The following VWC2L variants were observed in gnomAD, a reference collection of about 807,000 sequenced individuals.
The protein encoded by VWC2L is von Willebrand factor C domain containing 2 like.
A neutral mutation model predicts 21.6 loss-of-function variants in VWC2L; 10 were observed. The ratio of observed to expected loss-of-function variants is 0.46; its 90% CI spans 0.29 to 0.78. VWC2L has a LOEUF of 0.78. VWC2L is among the 30% of genes least tolerant of loss of function. VWC2L has a pLI of 0.10. For synonymous variants in VWC2L, 96 were observed against 94.3 expected (o/e 1.02, Z -0.10); for missense variants, 209 against 277.1 (o/e 0.75, Z 1.74).
chr2:214,448,597 A>G (rs1337539072), intron 3 of VWC2L, among the ~76,000 whole-genome samples: 2 of 152,230 alleles, frequency 1.3e-5, no homozygotes, highest in African/African-American at 2.4e-5. Context: ...TTACTGTTTC[A>G]TAATCTCACC....
At chr2:214,425,940 G>A (rs1204488811) in intron 2 of VWC2L, among the ~76,000 whole-genome samples, 1 of 152,050 alleles carries the variant, frequency 6.6e-6, no homozygotes, top group Non-Finnish European at 1.5e-5. Context: ...GGGAGGCTGA[G>A]GCGGGCAGAT....
chr2:214,489,235 C>T (rs1473928759), intron 3 of VWC2L, among the ~76,000 whole-genome samples: 1 of 152,086 alleles, frequency 6.6e-6, no homozygotes, highest in African/African-American at 2.4e-5. Context: ...CTGAAGGAGT[C>T]TGTGGTAGTG....
At chr2:214,545,018 C>G (rs544781557) in intron 3 of VWC2L, among the ~76,000 whole-genome samples, 1 of 152,248 alleles carries the variant, frequency 6.6e-6, no homozygotes, top group East Asian at 1.9e-4. Context: ...ACTACAAAGT[C>G]TTTTAGGTTA....
intron 3 of VWC2L, among the ~76,000 whole-genome samples, chr2:214,567,356 C>T (rs752511907): frequency 6.6e-6 from 1 of 152,132 alleles, no homozygotes; most frequent in South Asian, 2.1e-4. Context: ...TCTGTAACAA[C>T]CTGGCTGCCT....
chr2:214,543,831 G>C (rs987363878), intron 3 of VWC2L, among the ~76,000 whole-genome samples: 1 of 152,134 alleles, frequency 6.6e-6, no homozygotes, highest in Non-Finnish European at 1.5e-5. Context: ...TCTGGCTTTT[G>C]GCCAGATCTG....
At chr2:214,462,502 AAGC>A (rs1200197018) in intron 3 of VWC2L, among the ~76,000 whole-genome samples, 4 of 152,190 alleles carry the variant, frequency 2.6e-5, no homozygotes, top group African/African-American at 9.7e-5. Context: ...TTTGTGGAGG[AAGC>A]TGCTGCTGGG....
intron 3 of VWC2L, among the ~76,000 whole-genome samples, chr2:214,519,770 GT>G (rs1486768901): frequency 6.6e-6 from 1 of 152,128 alleles, no homozygotes; most frequent in Non-Finnish European, 1.5e-5. Flanking sequence ...TGCACATTCA[GT>G]TGGTGCATTC....
intron 2 of VWC2L, among the ~76,000 whole-genome samples, chr2:214,433,184 T>TATATATATATATATATATA (rs1559289359): frequency 2.7e-5 from 3 of 112,262 alleles, no homozygotes; most frequent in Non-Finnish European, 3.9e-5. Flanking sequence ...ATATATATAT[T>TATATATATATATATATATA]ATATATAAAT....
At chr2:214,556,835 T>A (rs2105927480) in intron 3 of VWC2L, among the ~76,000 whole-genome samples, 1 of 152,334 alleles carries the variant, frequency 6.6e-6, no homozygotes, top group East Asian at 1.9e-4. Context: ...CTTGTTAATA[T>A]CTTCCACTCC....
rs567171808 is a variant in VWC2L at position 214,564,938 on chromosome 2, A to G, written c.521-10734A>G. Among the ~76,000 whole-genome samples the G allele has an allele frequency of 4.6e-5, 7 of 152,184 alleles. No individual in the cohort carries two copies. In the South Asian group the frequency reaches 1.0e-3, roughly 23 times the overall value. Reference sequence around the variant, plus strand: ...CCAACATTGGTATTCATGCTTCTTTAGCTTCTTTGTTTTCCTTCCATCCTC... The same window carrying G: ...CCAACATTGGTATTCATGCTTCTTTGGCTTCTTTGTTTTCCTTCCATCCTC... On this transcript the variant is annotated intron_variant, in intron 3 of 3. Transcript: ENST00000312504.
At chr2:214,415,953 G>A (rs2126169244) in intron 2 of VWC2L, among the ~76,000 whole-genome samples, 1 of 152,050 alleles carries the variant, frequency 6.6e-6, no homozygotes, top group African/African-American at 2.4e-5. Context: ...TTTATTAATG[G>A]TTTTATGATC....
intron 3 of VWC2L, among the ~76,000 whole-genome samples, chr2:214,565,383 T>TA (rs1208423993): frequency 2.6e-5 from 4 of 152,190 alleles, no homozygotes; most frequent in Admixed American, 2.6e-4. Flanking sequence ...TGAAAGCACT[T>TA]ACCATTAGCA....
At chr2:214,515,054 C>T (rs1385371431) in intron 3 of VWC2L, among the ~76,000 whole-genome samples, 3 of 152,046 alleles carry the variant, frequency 2.0e-5, no homozygotes, top group Non-Finnish European at 4.4e-5. Context: ...CCCTCCCTGC[C>T]CCCACCCAGT....
In VWC2L at chr2:214,442,100, CG is replaced by C. The variant is rs1702769703; in HGVS notation, c.520+5346del. The stretch of plus-strand genomic sequence containing the variant: ...CTAATTTTTGTATTTTTAGTAGAGA[CG>C]GGGTTTCACTGTGTTGGCCAGACTG... On this transcript the variant is annotated intron_variant, in intron 3 of 3. Coordinates refer to ENST00000312504, the MANE Select transcript of VWC2L (RefSeq NM_001080500.4). 2.0e-5 allele frequency among the ~76,000 whole-genome samples: 3 copies of C among 151,790 alleles called. No homozygotes were observed. The South Asian group carries it at 6.2e-4, about 32-fold the overall frequency.
chr2:214,523,525 G>T (rs1574615340), intron 3 of VWC2L, among the ~76,000 whole-genome samples: 1 of 152,274 alleles, frequency 6.6e-6, no homozygotes, highest in East Asian at 1.9e-4. Context: ...ATGATACTGA[G>T]AAATTAATAT....
At chr2:214,429,134 AT>A (rs1225385073) in intron 2 of VWC2L, among the ~76,000 whole-genome samples, 1 of 152,200 alleles carries the variant, frequency 6.6e-6, no homozygotes, top group African/African-American at 2.4e-5. Context: ...TAGATGACTG[AT>A]TCTTTGTCTG....
At chr2:214,458,442 G>A (rs916195446) in intron 3 of VWC2L, among the ~76,000 whole-genome samples, 1 of 151,890 alleles carries the variant, frequency 6.6e-6, no homozygotes, top group South Asian at 2.1e-4. Context: ...AGTCTGTTCT[G>A]ATTGTAATTC....
intron 3 of VWC2L, among the ~76,000 whole-genome samples, chr2:214,563,546 C>CAAAAAAAAAAAAAAAAAAAAAAAAAAAAA (rs55864016): frequency 1.3e-4 from 12 of 95,894 alleles, no homozygotes; most frequent in African/African-American, 3.4e-4. Context: ...GACTCCGTCT[C>CAAAAAAAAAAAAAAAAAAAAAAAAAAAAA]AAAAAAAAAA....
intron 3 of VWC2L, among the ~76,000 whole-genome samples, chr2:214,509,426 AT>A (rs1041300697): frequency 2.0e-5 from 3 of 150,972 alleles, no homozygotes; most frequent in South Asian, 2.1e-4. Context: ...CCAAGACAGA[AT>A]TTTTTTTTCT....
Sources: gnomAD v4.1 joint callset for allele counts (sites outside exome capture counted in the v4.1 genomes callset) on GRCh38, gnomAD v4.1.1 for gene constraint, MANE v1.5 for transcripts, NCBI Gene and HGNC (gene_info 2026-07-23, HGNC 2026-07-21) for gene names.